The following SLCO5A1 variants were observed in gnomAD, a reference collection of about 807,000 sequenced individuals.
The protein encoded by SLCO5A1 is solute carrier organic anion transporter family member 5A1.
In SLCO5A1, 39 loss-of-function variants were observed where a neutral mutation model predicts 65.1. That is an observed-to-expected ratio of 0.60 (90% CI 0.46 to 0.78). The LOEUF (loss-of-function observed/expected upper bound fraction) is 0.78, where lower values mean the gene tolerates loss of function less well. SLCO5A1 is among the 30% of genes least tolerant of loss of function. SLCO5A1 has a pLI of 0.00. For missense variants in SLCO5A1, 1,029 were observed against 1,069.4 expected (o/e 0.96, Z 0.53); for synonymous variants, 438 against 415.7 (o/e 1.05, Z -0.65).
intron 2 of SLCO5A1, among the ~76,000 whole-genome samples, chr8:69,788,677 C>T (rs1317196018): frequency 6.6e-6 from 1 of 152,138 alleles, no homozygotes; most frequent in East Asian, 1.9e-4. Flanking sequence ...ACTGATTATA[C>T]ATATAATTAT....
chr8:69,685,353 A>T (rs565736649), intron 6 of SLCO5A1, among the ~76,000 whole-genome samples: 1 of 152,312 alleles, frequency 6.6e-6, no homozygotes, highest in East Asian at 1.9e-4. Context: ...CCTGAAGAGA[A>T]CCCATCATGA....
intron 6 of SLCO5A1, among the ~76,000 whole-genome samples, chr8:69,692,171 C>A (rs983530485): frequency 6.6e-6 from 1 of 152,170 alleles, no homozygotes; most frequent in Non-Finnish European, 1.5e-5. Context: ...ATGGCATGAA[C>A]CCGGGAGGCG....
chr8:69,737,947 C>T lies in SLCO5A1; in HGVS notation c.1423+93G>A, dbSNP rs1187237576. On this transcript the variant is annotated intron_variant, in intron 5 of 9. Transcript: ENST00000260126. ...GGTAGCTGTTAATGAACTAGCTTAA[C>T]ACTTCGATGTTAGATTGAACTTTCT... is the stretch of plus-strand genomic sequence containing the variant. 4 of 1,381,520 alleles carry T rather than the reference C, an allele frequency of 2.9e-6. No individual in the cohort carries two copies. In the Admixed American group the frequency reaches 8.6e-5, roughly 30 times the overall value. 85.6% of individuals were successfully genotyped at this position (1,381,520 alleles called of 1,614,324 possible). A position where few individuals can be genotyped will look rare whatever the true frequency, so the allele number is the denominator to read the frequency against.
rs567532584 is a variant in SLCO5A1, at chr8:69,702,441, C to T, written c.1622+2590G>A. Among the ~76,000 whole-genome samples, 6 of 152,170 alleles carry T rather than the reference C, an allele frequency of 3.9e-5. No individual in the cohort carries two copies. In the South Asian group the frequency reaches 1.2e-3, roughly 32 times the overall value. On this transcript the variant is annotated intron_variant, in intron 6 of 9. Transcript: ENST00000260126. ...TATACTGCTTTTTCATTTTTAGAGA[C>T]TTTATTGTTTGTGCCATCCTATTAG...
At chr8:69,714,147 A>G (rs1239442718) in intron 5 of SLCO5A1, among the ~76,000 whole-genome samples, 1 of 152,246 alleles carries the variant, frequency 6.6e-6, no homozygotes, top group Non-Finnish European at 1.5e-5. Context: ...TTACTGTTGT[A>G]AAAAATTTCA....
At chr8:69,734,645 G>A (rs1816479557) in intron 5 of SLCO5A1, among the ~76,000 whole-genome samples, 1 of 152,182 alleles carries the variant, frequency 6.6e-6, no homozygotes, top group African/African-American at 2.4e-5. Context: ...AGCAATAGAA[G>A]GTCAGTCCTT....
intron 5 of SLCO5A1, among the ~76,000 whole-genome samples, chr8:69,733,592 T>G (rs1381052132): frequency 6.6e-6 from 1 of 152,204 alleles, no homozygotes; most frequent in African/African-American, 2.4e-5. Flanking sequence ...TCTCCATGTA[T>G]CAAGGGAGGT....
At chr8:69,717,905 T>C (rs1815631481) in intron 5 of SLCO5A1, among the ~76,000 whole-genome samples, 1 of 152,220 alleles carries the variant, frequency 6.6e-6, no homozygotes, top group Non-Finnish European at 1.5e-5. Flanking sequence ...CACATACTTA[T>C]CTTTTTTGTA....
In SLCO5A1 at chr8:69,832,644, C is replaced by T. The variant is rs768222383; in HGVS notation, c.30G>A (p.Gly10=). 9 of 1,606,770 alleles carry T rather than the reference C, an allele frequency of 5.6e-6. No homozygotes were observed. The South Asian group carries it at 7.7e-5, about 14-fold the overall frequency. ...CCGGCGCCTCCAGCTGCTCTCCCGC[C>T]CCGGGCTGCAGTCCAGTGCCTTCGT... MDEGTGLQP[G]AGEQLEAPAT... The change falls in exon 2 of 10, where the codon GGG becomes GGA. Residue 10 remains glycine (G), a synonymous_variant. Coordinates refer to ENST00000260126, the MANE Select transcript of SLCO5A1 (RefSeq NM_030958.3). This position sits in a 1 kb window ranked among gnomAD's most constrained non-coding sequence, Gnocchi z 4.5.
chr8:69,700,437 C>T (rs1289107775), intron 6 of SLCO5A1: 1 of 151,758 alleles, frequency 6.6e-6, no homozygotes, highest in Non-Finnish European at 1.5e-5. Flanking sequence ...TGCCAGTATC[C>T]CCAAACAAGA....
At chr8:69,808,076 A>G (rs1820079675) in intron 2 of SLCO5A1, among the ~76,000 whole-genome samples, 1 of 124,700 alleles carries the variant, frequency 8.0e-6, no homozygotes, top group Non-Finnish European at 1.6e-5. Flanking sequence ...TTTAAAATCC[A>G]TTCATCCATT....
intron 5 of SLCO5A1, among the ~76,000 whole-genome samples, chr8:69,730,557 A>G (rs1258882216): frequency 6.6e-6 from 1 of 152,184 alleles, no homozygotes; most frequent in Non-Finnish European, 1.5e-5. Flanking sequence ...AGGAGTAACT[A>G]CACAGGCCTG....
chr8:69,813,035 A>G (rs1055911240), intron 2 of SLCO5A1, among the ~76,000 whole-genome samples: 1 of 152,152 alleles, frequency 6.6e-6, no homozygotes, highest in Non-Finnish European at 1.5e-5. Context: ...TAGACAAAAT[A>G]CTAGCAAATA....
chr8:69,778,941 T>C (rs1818690355), intron 2 of SLCO5A1, among the ~76,000 whole-genome samples: 2 of 152,176 alleles, frequency 1.3e-5, no homozygotes, highest in African/African-American at 2.4e-5. Context: ...CAAACTATTA[T>C]AACAATTCAA....
At chr8:69,821,842 T>C (rs553260184) in intron 2 of SLCO5A1, among the ~76,000 whole-genome samples, 3 of 141,594 alleles carry the variant, frequency 2.1e-5, no homozygotes, top group Non-Finnish European at 4.6e-5. Context: ...AGAAAAACAA[T>C]ATGGCCAGGC....
At chr8:69,784,236 A>C (rs910281531) in intron 2 of SLCO5A1, among the ~76,000 whole-genome samples, 2 of 152,224 alleles carry the variant, frequency 1.3e-5, no homozygotes, top group African/African-American at 4.8e-5. Context: ...AAAGGGCAAA[A>C]ATTTTGGACA....
chr8:69,705,262 A>C, intron 5 of SLCO5A1, 33 bp from the exon 6 acceptor site: 1 of 1,589,678 alleles, frequency 6.3e-7, no homozygotes, highest in South Asian at 1.1e-5. Flanking sequence ...ATTAATTTGA[A>C]CTCATGTACA....
chr8:69,758,069 A>G (rs1563705217), intron 3 of SLCO5A1, among the ~76,000 whole-genome samples: 1 of 152,210 alleles, frequency 6.6e-6, no homozygotes, highest in Non-Finnish European at 1.5e-5. Flanking sequence ...GGGATCATCA[A>G]AATTAAATAA....
At chr8:69,737,106 A>G (rs1816594742) in intron 5 of SLCO5A1, among the ~76,000 whole-genome samples, 1 of 152,228 alleles carries the variant, frequency 6.6e-6, no homozygotes, top group African/African-American at 2.4e-5. Context: ...CCACAACCCA[A>G]TGTTGTATGT....
Sources: gnomAD v4.1 joint callset for allele counts (sites outside exome capture counted in the v4.1 genomes callset) on GRCh38, gnomAD v4.1.1 for gene constraint, Gnocchi (gnomAD v3.1) non-coding constraint, MANE v1.5 for transcripts, NCBI Gene and HGNC (gene_info 2026-07-23, HGNC 2026-07-21) for gene names.